The following PLA2G4A variants were observed in gnomAD, a reference collection of about 807,000 sequenced individuals.
PLA2G4A encodes cytosolic phospholipase A2.
Under a neutral mutation model 81.9 loss-of-function variants are expected in PLA2G4A, and 40 were observed. The observed-to-expected ratio is 0.49, with a 90% confidence interval of 0.38 to 0.64. The LOEUF is 0.64. Among genes scored for constraint, PLA2G4A ranks in the 30% least tolerant of loss-of-function variants. PLA2G4A has a pLI of 0.00. For synonymous variants in PLA2G4A, 302 were observed against 296.9 expected (o/e 1.02, Z -0.18); for missense variants, 715 against 905.1 (o/e 0.79, Z 2.69).
intron 3 of PLA2G4A, among the ~76,000 whole-genome samples, chr1:186,883,151 G>A (rs186923999): frequency 7.9e-5 from 12 of 152,072 alleles, no homozygotes; most frequent in Admixed American, 3.9e-4. Context: ...ATGGAGGTAG[G>A]GCTCACAGAT....
intron 1 of PLA2G4A, among the ~76,000 whole-genome samples, chr1:186,842,765 T>G (rs1042263044): frequency 2.0e-5 from 3 of 152,210 alleles, no homozygotes; most frequent in African/African-American, 4.8e-5. Context: ...AACTTTGATC[T>G]TGGACTTCCA....
intron 15 of PLA2G4A, among the ~76,000 whole-genome samples, chr1:186,969,700 G>A (rs1195063964): frequency 6.6e-6 from 1 of 151,114 alleles, no homozygotes; most frequent in Non-Finnish European, 1.5e-5. Context: ...ATGTCCTCTA[G>A]TTCTAGTTCC....
intron 1 of PLA2G4A, among the ~76,000 whole-genome samples, chr1:186,844,635 T>A (rs962968266): frequency 2.0e-5 from 3 of 152,152 alleles, no homozygotes; most frequent in Admixed American, 6.5e-5. Flanking sequence ...TAGTTCTAGA[T>A]CCCTGTTGGG....
At chr1:186,981,984 A>G (rs905125470) in intron 17 of PLA2G4A, among the ~76,000 whole-genome samples, 2 of 152,262 alleles carry the variant, frequency 1.3e-5, no homozygotes, top group African/African-American at 4.8e-5. Context: ...TAATAAAAAA[A>G]GTGATCAGAT....
intron 5 of PLA2G4A, among the ~76,000 whole-genome samples, chr1:186,900,940 G>T (rs12720541): frequency 0.27 from 40,332 of 152,028 alleles, 5,750 homozygotes; most frequent in Admixed American, 0.41. Flanking sequence ...ATTCATGAGT[G>T]CAACTTGAAA....
At chr1:186,880,731 A>C (rs556021078) in intron 3 of PLA2G4A, among the ~76,000 whole-genome samples, 9 of 152,190 alleles carry the variant, frequency 5.9e-5, no homozygotes, top group African/African-American at 2.2e-4. Flanking sequence ...TTATCACGGT[A>C]TATAAGAATT....
intron 8 of PLA2G4A, among the ~76,000 whole-genome samples, chr1:186,938,712 T>G (rs535405849): frequency 6.6e-6 from 1 of 152,214 alleles, no homozygotes; most frequent in African/African-American, 2.4e-5. Flanking sequence ...ATAGAGATAC[T>G]CCATTCCTGG....
intron 1 of PLA2G4A, among the ~76,000 whole-genome samples, chr1:186,851,636 G>T (rs1477862854): frequency 6.6e-6 from 1 of 151,826 alleles, no homozygotes; most frequent in Non-Finnish European, 1.5e-5. Context: ...TGCTGATAAT[G>T]GGAAGTGCTG....
Position 186,979,478 on chromosome 1 carries a change from T to C in PLA2G4A, c.2118+6T>C, listed in dbSNP as rs780513140. The C allele has an allele frequency of 1.3e-6, 2 of 1,554,560 alleles. No homozygotes were observed. The highest frequency in any genetic ancestry group is 1.8e-6 in the Non-Finnish European group (2 of 1,125,760). On this transcript the variant is annotated splice_donor_region_variant and intron_variant, in intron 17 of 17. Transcript: ENST00000367466. ...ATACTCTGAACAACATTGATGTAAG[T>C]ATCTCCTATGGCCATTGACTATGTC...
chr1:186,898,624 C>G (rs1388067533), intron 5 of PLA2G4A, among the ~76,000 whole-genome samples: 1 of 152,146 alleles, frequency 6.6e-6, no homozygotes, highest in Non-Finnish European at 1.5e-5. Flanking sequence ...GGAGACCTCT[C>G]TAAAGCATTA....
rs531679486 is a variant in PLA2G4A at position 186,968,756 on chromosome 1, T to A, written c.1764+3163T>A. Among the ~76,000 whole-genome samples the A allele has an allele frequency of 3.3e-5, 5 of 152,084 alleles. No homozygotes were observed. In the South Asian group the frequency reaches 1.0e-3, roughly 31 times the overall value. ...TTATTTATTTAGGTTGGTTTCTAGA[T>A]GTGTATCATTTTATGACTTCTAGTA... On this transcript the variant is annotated intron_variant, in intron 15 of 17. Transcript: ENST00000367466.
At chr1:186,981,255 A>G (rs893746422) in intron 17 of PLA2G4A, among the ~76,000 whole-genome samples, 1 of 152,228 alleles carries the variant, frequency 6.6e-6, no homozygotes, top group Non-Finnish European at 1.5e-5. Context: ...ATATACAAAT[A>G]CCATGTTGGA....
intron 8 of PLA2G4A, among the ~76,000 whole-genome samples, chr1:186,933,470 C>G (rs1261126529): frequency 6.6e-6 from 1 of 152,118 alleles, no homozygotes; most frequent in African/African-American, 2.4e-5. Context: ...ATGTATAATA[C>G]TTGTACCCTG....
chr1:186,867,596 T>A (rs1653078107), intron 2 of PLA2G4A, among the ~76,000 whole-genome samples: 1 of 152,174 alleles, frequency 6.6e-6, no homozygotes, highest in South Asian at 2.1e-4. Flanking sequence ...GGAGTTTTTT[T>A]TTAATTGATT....
At chr1:186,882,952 A>G (rs1221353808) in intron 3 of PLA2G4A, among the ~76,000 whole-genome samples, 1 of 152,122 alleles carries the variant, frequency 6.6e-6, no homozygotes, top group Non-Finnish European at 1.5e-5. Flanking sequence ...CATTAAATAA[A>G]ATAGGAAAGA....
At chr1:186,862,318 G>A (rs1010858145) in intron 2 of PLA2G4A, among the ~76,000 whole-genome samples, 2 of 148,508 alleles carry the variant, frequency 1.3e-5, no homozygotes, top group South Asian at 2.1e-4. Flanking sequence ...GGGTTCAAGC[G>A]ATTCTCTTGC....
chr1:186,904,831 C>G (rs770356428), intron 5 of PLA2G4A, among the ~76,000 whole-genome samples: 25 of 149,892 alleles, frequency 1.7e-4, no homozygotes, highest in Admixed American at 2.7e-4. Context: ...ATGGAGCTGT[C>G]AGAACAAACA....
chr1:186,952,546 T>A (rs1656596390), intron 13 of PLA2G4A, among the ~76,000 whole-genome samples: 1 of 152,148 alleles, frequency 6.6e-6, no homozygotes, highest in Non-Finnish European at 1.5e-5. Context: ...TTACAAGTGA[T>A]GAACTTAAAT....
chr1:186,980,888 C>T (rs1034356853), intron 17 of PLA2G4A, among the ~76,000 whole-genome samples: 8 of 151,980 alleles, frequency 5.3e-5, no homozygotes, highest in African/African-American at 1.9e-4. Flanking sequence ...AAATGCTTAT[C>T]AAAATATATA....
Sources: gnomAD v4.1 joint callset for allele counts (sites outside exome capture counted in the v4.1 genomes callset) on GRCh38, gnomAD v4.1.1 for gene constraint, MANE v1.5 for transcripts, NCBI Gene and HGNC (gene_info 2026-07-23, HGNC 2026-07-21) for gene names.